The following NRG2 variants were observed in gnomAD, a reference collection of about 807,000 sequenced individuals.
NRG2 encodes neuregulin 2.
A neutral mutation model predicts 73.9 loss-of-function variants in NRG2; 27 were observed. That is an observed-to-expected ratio of 0.37 (90% confidence interval 0.27 to 0.50). NRG2 has a LOEUF of 0.50. Ranked by LOEUF, NRG2 falls within the 20% of genes least tolerant of loss-of-function variation. The probability of loss-of-function intolerance (pLI) is 0.96; values close to 1 mark genes in which losing one functional copy is unlikely to be tolerated. For missense variants in NRG2, 1,126 were observed against 1,210.1 expected, an observed-to-expected ratio of 0.93 and a Z score of 1.03; for synonymous variants, 532 against 541.0, an observed-to-expected ratio of 0.98 and a Z score of 0.23.
rs1171816087 is a variant in NRG2, at chr5:139,915,421, C to T, written c.701-27910G>A. Among the ~76,000 whole-genome samples, 1 of 152,206 alleles carries T rather than the reference C, an allele frequency of 6.6e-6. No individual in the cohort carries two copies. Among genetic ancestry groups the T allele is most frequent in the Non-Finnish European group, 1.5e-5 (1 of 68,050 alleles). On this transcript the variant is annotated intron_variant, in intron 1 of 9. Coordinates refer to ENST00000361474, the MANE Select transcript of NRG2 (RefSeq NM_004883.3). The surrounding 1 kb of genome is among the most constrained non-coding windows in gnomAD (Gnocchi z 4.0). ...AGCCTCTGTAAGGAAGTGGCGCCAG[C>T]TAAGCTGCCAAGACTTGACAGGTTG...
In NRG2 at chr5:139,847,408, T is replaced by A. The variant is rs12519544; in HGVS notation, c.*509A>T. 6.6e-6 allele frequency: 1 copy of A among 151,428 alleles called. No individual in the cohort carries two copies. The highest frequency in any genetic ancestry group is 2.4e-5 in the African/African-American group (1 of 41,008). The allele number at this position is 151,428 out of a possible 1,614,324, so 9.4% of individuals were successfully genotyped here. ...GGTCCTGGCCCTCTCCTCCCAGGGGTCGGGAACTTCAGCTCTTGCCTGGGA... is the reference window on the plus strand; with the variant it reads ...GGTCCTGGCCCTCTCCTCCCAGGGGACGGGAACTTCAGCTCTTGCCTGGGA... On this transcript the variant is annotated 3_prime_UTR_variant, in exon 10 of 10. Coordinates refer to ENST00000361474, the MANE Select transcript of NRG2 (RefSeq NM_004883.3).
At chr5:139,959,262 C>T (rs992323980) in intron 1 of NRG2, among the ~76,000 whole-genome samples, 3 of 151,736 alleles carry the variant, frequency 2.0e-5, no homozygotes, top group Non-Finnish European at 4.4e-5. Flanking sequence ...TGCAATGGCA[C>T]GATCTCAGCT....
chr5:139,914,104 A>G (rs1751057313), intron 1 of NRG2, among the ~76,000 whole-genome samples: 1 of 152,136 alleles, frequency 6.6e-6, no homozygotes, highest in Non-Finnish European at 1.5e-5. Context: ...TGCTGTGAAC[A>G]ACCAAGATCG....
intron 1 of NRG2, among the ~76,000 whole-genome samples, chr5:139,905,347 T>C (rs992381225): frequency 1.3e-5 from 2 of 152,230 alleles, no homozygotes; most frequent in Non-Finnish European, 2.9e-5. Context: ...CCAGAAAGCC[T>C]GAGCCTGCGG....
At chr5:140,024,785 G>A (rs543587384) in intron 1 of NRG2, among the ~76,000 whole-genome samples, 1 of 152,282 alleles carries the variant, frequency 6.6e-6, no homozygotes, top group South Asian at 2.1e-4. Context: ...AGGAAATACA[G>A]GGGAAGTCCA....
At chr5:139,970,288 TA>T in intron 1 of NRG2, among the ~76,000 whole-genome samples, 1 of 151,980 alleles carries the variant, frequency 6.6e-6, no homozygotes, top group Admixed American at 6.5e-5. Context: ...GTTCTAAGGA[TA>T]AAAGGAAAGG....
intron 1 of NRG2, among the ~76,000 whole-genome samples, chr5:139,899,400 T>C (rs1216295651): frequency 6.6e-6 from 1 of 152,212 alleles, no homozygotes; most frequent in Non-Finnish European, 1.5e-5. Context: ...TAAATCAGGT[T>C]CCCAATAATT....
intron 1 of NRG2, among the ~76,000 whole-genome samples, chr5:140,040,884 G>GATA (rs1761862875): frequency 6.6e-6 from 1 of 152,114 alleles, no homozygotes; most frequent in Admixed American, 6.5e-5. Flanking sequence ...TATTCCTAAG[G>GATA]ATAATGTCAG....
At chr5:139,960,407 C>T (rs1460073060) in intron 1 of NRG2, among the ~76,000 whole-genome samples, 2 of 152,124 alleles carry the variant, frequency 1.3e-5, no homozygotes, top group Non-Finnish European at 2.9e-5. Context: ...CCCAGCTACT[C>T]GGGAGGCTGA....
At chr5:139,936,326 A>G (rs2126398879) in intron 1 of NRG2, among the ~76,000 whole-genome samples, 1 of 152,282 alleles carries the variant, frequency 6.6e-6, no homozygotes, top group East Asian at 1.9e-4. Flanking sequence ...AACAATGAGA[A>G]AAGAGTCATC....
chr5:140,034,761 T>A (rs1348440184), intron 1 of NRG2, among the ~76,000 whole-genome samples: 1 of 152,054 alleles, frequency 6.6e-6, no homozygotes, highest in African/African-American at 2.4e-5. Context: ...ATGAATAGAA[T>A]ACCATAGCAA....
intron 1 of NRG2, among the ~76,000 whole-genome samples, chr5:139,918,184 T>A (rs1305849904): frequency 6.6e-6 from 1 of 152,148 alleles, no homozygotes. Flanking sequence ...CTTATGTGGA[T>A]GGATTGCAGT....
intron 1 of NRG2, among the ~76,000 whole-genome samples, chr5:139,969,721 G>C (rs1256475918): frequency 2.0e-5 from 3 of 152,130 alleles, no homozygotes; most frequent in Non-Finnish European, 2.9e-5. Flanking sequence ...GAGTTTAGTG[G>C]AGTAGTGAGC....
chr5:140,000,708 C>G (rs753510207), intron 1 of NRG2, among the ~76,000 whole-genome samples: 14 of 152,226 alleles, frequency 9.2e-5, no homozygotes, highest in Non-Finnish European at 1.8e-4. Flanking sequence ...AGGCACCACA[C>G]CTCCTCCTGC....
chr5:139,907,602 A>C (rs1765314830), intron 1 of NRG2, among the ~76,000 whole-genome samples: 1 of 152,224 alleles, frequency 6.6e-6, no homozygotes, highest in Admixed American at 6.5e-5. Flanking sequence ...CTCTCCCAGC[A>C]GTCCAGAGCA....
At chr5:139,876,930 T>C (rs1763215134) in intron 3 of NRG2, among the ~76,000 whole-genome samples, 1 of 106,094 alleles carries the variant, frequency 9.4e-6, no homozygotes, top group Non-Finnish European at 1.9e-5. Flanking sequence ...TGCATCTGTG[T>C]GTGTGTGTGT....
At chr5:139,854,577 G>C (rs1761697532) in intron 6 of NRG2, among the ~76,000 whole-genome samples, 1 of 152,100 alleles carries the variant, frequency 6.6e-6, no homozygotes, top group African/African-American at 2.4e-5. Context: ...GGGCTCACTG[G>C]GCCCCAACTC....
chr5:139,981,317 G>A (rs923042519), intron 1 of NRG2, among the ~76,000 whole-genome samples: 6 of 152,172 alleles, frequency 3.9e-5, no homozygotes, highest in Non-Finnish European at 8.8e-5. Context: ...CACTCCTAGG[G>A]TTGGAGTTCA....
At chr5:140,009,557 A>G (rs116004759) in intron 1 of NRG2, among the ~76,000 whole-genome samples, 2,278 of 152,326 alleles carry the variant, frequency 0.015, 51 homozygotes, top group African/African-American at 0.052. Context: ...GAGTAGTTTA[A>G]TTTTGTAAGA....
Sources: allele counts gnomAD v4.1 joint callset (sites outside exome capture counted in the v4.1 genomes callset), GRCh38; gene constraint gnomAD v4.1.1; non-coding constraint Gnocchi (gnomAD v3.1); transcripts MANE v1.5; gene names NCBI Gene and HGNC (gene_info 2026-07-23, HGNC 2026-07-21).